TGFBRAP1: variants seen among roughly 807,000 people sequenced by gnomAD.
TGFBRAP1 encodes the protein transforming growth factor beta receptor associated protein 1, also known as transforming growth factor-beta receptor-associated protein 1.
A neutral mutation model predicts 83.2 loss-of-function variants in TGFBRAP1; 20 were observed. The ratio of observed to expected loss-of-function variants is 0.24; its 90% CI spans 0.17 to 0.35. TGFBRAP1 has a LOEUF of 0.35. Among genes scored for constraint, TGFBRAP1 ranks in the 10% least tolerant of loss-of-function variants. TGFBRAP1 has a pLI of 1.00. For missense variants in TGFBRAP1, 950 were observed against 1,099.4 expected (o/e 0.86, Z 1.92); for synonymous variants, 415 against 459.8 (o/e 0.90, Z 1.25).
At chr2:105,276,402 C>T (rs1287257575) in intron 7 of TGFBRAP1, among the ~76,000 whole-genome samples, 3 of 152,102 alleles carry the variant, frequency 2.0e-5, no homozygotes, top group African/African-American at 4.8e-5. Flanking sequence ...CCCACCCATA[C>T]ACAGCACCAC....
intron 1 of TGFBRAP1, among the ~76,000 whole-genome samples, chr2:105,314,341 C>G (rs1276210235): frequency 6.7e-6 from 1 of 150,124 alleles, no homozygotes; most frequent in African/African-American, 2.5e-5. Context: ...AGCTCCACCT[C>G]CCGGGTTCAC....
At chr2:105,284,235 C>T (rs927685757) in intron 5 of TGFBRAP1, 81 bp downstream of exon 5, 62 of 1,345,318 alleles carry the variant, frequency 4.6e-5, no homozygotes, top group Admixed American at 1.7e-4. Flanking sequence ...CACATCCCAC[C>T]GCGACGTCAC....
Position 105,307,834 on chromosome 2 carries a change from G to A in TGFBRAP1, c.468C>T (p.Asp156=), listed in dbSNP as rs1221150480. The change falls in exon 2 of 12, where the codon GAC becomes GAT. Residue 156 remains aspartate, a synonymous_variant. Coordinates refer to ENST00000393359, the MANE Select transcript of TGFBRAP1 (RefSeq NM_004257.6). The part of the protein sequence containing the change: ...RTIQMFLVYE[D]RVQIVKEVST... The stretch of plus-strand genomic sequence containing the variant: ...ACACCTCCTTGACGATCTGCACCCG[G>A]TCCTCGTACACCAGAAACATCTGGA... 3 of 1,614,204 alleles carry A rather than the reference G, an allele frequency of 1.9e-6. No individual in the cohort carries two copies. The highest frequency in any genetic ancestry group is 2.2e-5 in the East Asian group (1 of 44,884).
intron 5 of TGFBRAP1, among the ~76,000 whole-genome samples, chr2:105,283,670 A>T (rs914971969): frequency 2.0e-5 from 3 of 152,216 alleles, no homozygotes; most frequent in African/African-American, 7.2e-5. Flanking sequence ...CAGCTGTGGG[A>T]CAAGGGCAGC....
chr2:105,255,540 C>T, the TGFBRAP1 span, among the ~76,000 whole-genome samples: 1 of 150,004 alleles, frequency 6.7e-6, no homozygotes, highest in Non-Finnish European at 1.5e-5. Context: ...AGGCTGGTTT[C>T]GAACTCCTGG....
the TGFBRAP1 span, among the ~76,000 whole-genome samples, chr2:105,258,160 A>G: frequency 6.6e-6 from 1 of 152,188 alleles, no homozygotes; most frequent in Non-Finnish European, 1.5e-5. Flanking sequence ...ACTGCTGCTG[A>G]GGCTCTGCCC....
At chr2:105,287,061 C>T (rs1028421507) in intron 4 of TGFBRAP1, among the ~76,000 whole-genome samples, 6 of 152,190 alleles carry the variant, frequency 3.9e-5, no homozygotes, top group African/African-American at 7.2e-5. Context: ...CACAGATGAA[C>T]GTTGAGGACA....
At position 105,298,645 on chromosome 2, in the gene TGFBRAP1, A is replaced by G. The variant is rs773865162; in HGVS notation, c.749T>C (p.Val250Ala). The G allele has an allele frequency of 3.1e-6, 5 of 1,613,836 alleles. No individual in the cohort carries two copies. Among genetic ancestry groups the G allele is most frequent in the Non-Finnish European group, 4.2e-6 (5 of 1,179,896 alleles). ...QRAPVHWSEN[V>A]IGAAVSFPYV... is the part of the protein sequence containing the mutation. Reference sequence around the variant, plus strand: ...TGGAAAGGACACAGCCGCCCCAATCACATTCTCCGACCAGTGCACGGGGGC... The same window carrying G: ...TGGAAAGGACACAGCCGCCCCAATCGCATTCTCCGACCAGTGCACGGGGGC... The change falls in exon 3 of 12, where the codon GTG (valine) becomes GCG (alanine). Residue 250 changes from valine to alanine, a missense_variant. Coordinates refer to ENST00000393359, the MANE Select transcript of TGFBRAP1 (RefSeq NM_004257.6).
intron 6 of TGFBRAP1, among the ~76,000 whole-genome samples, chr2:105,279,620 A>AGAGGCGGAGCTTGCAGTGAGCCG (rs1553402364): frequency 8.0e-5 from 12 of 150,918 alleles, no homozygotes; most frequent in Non-Finnish European, 1.3e-4. Context: ...CCTCCCTTTG[A>AGAGGCGGAGCTTGCAGTGAGCCG]ATCTGTTTAT....
In TGFBRAP1 at chr2:105,328,579, C is replaced by T. The variant is rs370276512; in HGVS notation, c.-18+1046G>A. Among the ~76,000 whole-genome samples, 23 of 152,174 alleles carry T rather than the reference C, an allele frequency of 1.5e-4. 1 individual carries two copies. Among genetic ancestry groups the T allele is most frequent in the Admixed American group, 1.1e-3 (17 of 15,280 alleles). On this transcript the variant is annotated intron_variant, in intron 1 of 11. Coordinates refer to ENST00000393359, the MANE Select transcript of TGFBRAP1 (RefSeq NM_004257.6). ...GTCCCTCTACATTCGTTCATCCTGA[C>T]TCCAACCAAGCCAACACACACAACG...
rs145752091 is a variant in TGFBRAP1, at chr2:105,285,087, G to T, written c.1039-689C>A. 1.9e-3 allele frequency among the ~76,000 whole-genome samples: 294 copies of T among 152,300 alleles called. 2 individuals are homozygous for T. Among genetic ancestry groups the T allele is most frequent in the African/African-American group, 6.9e-3 (288 of 41,564 alleles). On this transcript the variant is annotated intron_variant, in intron 4 of 11. Transcript: ENST00000393359. ...ACCGTCCAGCATGGCTGGTGTCCTCGTCTTGCCATTGTCTATATGAAATGG... is the reference window on the plus strand; with the variant it reads ...ACCGTCCAGCATGGCTGGTGTCCTCTTCTTGCCATTGTCTATATGAAATGG...
intron 4 of TGFBRAP1, among the ~76,000 whole-genome samples, chr2:105,295,876 A>G (rs1474706630): frequency 6.6e-6 from 1 of 151,932 alleles, no homozygotes; most frequent in Non-Finnish European, 1.5e-5. Flanking sequence ...TACAATACCA[A>G]TTTAGTTAGC....
intron 1 of TGFBRAP1, among the ~76,000 whole-genome samples, chr2:105,311,377 T>C (rs896371051): frequency 1.2e-4 from 19 of 152,028 alleles, no homozygotes; most frequent in African/African-American, 4.6e-4. Flanking sequence ...AGAAGTAACA[T>C]GCTAGCACTT....
chr2:105,289,953 C>G (rs35350916), intron 4 of TGFBRAP1, among the ~76,000 whole-genome samples: 26,016 of 152,254 alleles, frequency 0.17, 2,559 homozygotes, highest in Middle Eastern at 0.27. Flanking sequence ...ATCAAACTCT[C>G]TGATCTCTGA....
intron 1 of TGFBRAP1, among the ~76,000 whole-genome samples, chr2:105,320,630 T>G (rs994161032): frequency 1.8e-4 from 27 of 152,184 alleles, no homozygotes; most frequent in African/African-American, 5.5e-4. Context: ...CCTTAAAATT[T>G]TAACCTCAGC....
chr2:105,297,567 G>C (rs974827073), intron 3 of TGFBRAP1, among the ~76,000 whole-genome samples: 2 of 152,242 alleles, frequency 1.3e-5, no homozygotes, highest in African/African-American at 4.8e-5. Context: ...GTAATGTTTG[G>C]TGAACAAAAA....
At chr2:105,319,543 T>C (rs1037227628) in intron 1 of TGFBRAP1, among the ~76,000 whole-genome samples, 6 of 149,822 alleles carry the variant, frequency 4.0e-5, no homozygotes, top group South Asian at 4.2e-4. Context: ...AATACAAAAA[T>C]TAGTTGGGTG....
At position 105,317,117 on chromosome 2, in the gene TGFBRAP1, T is replaced by TGTCCATAGGAATACAAGTACA. The variant is rs1341272705; in HGVS notation, c.-17-8800_-17-8799insTGTACTTGTATTCCTATGGAC. On this transcript the variant is annotated intron_variant, in intron 1 of 11. Coordinates refer to ENST00000393359, the MANE Select transcript of TGFBRAP1 (RefSeq NM_004257.6). ...TAGGAATACAAGTACAGTATTTGTATGTACTAGATGTCCATAGAAAATATA... is the reference window on the plus strand; with the variant it reads ...TAGGAATACAAGTACAGTATTTGTATGTCCATAGGAATACAAGTACAGTACTAGATGTCCATAGAAAATATA... Among the ~76,000 whole-genome samples, 13 of 152,280 alleles carry TGTCCATAGGAATACAAGTACA rather than the reference T, an allele frequency of 8.5e-5. No homozygotes were observed. The East Asian group carries it at 2.5e-3, about 30-fold the overall frequency.
Position 105,266,529 on chromosome 2 carries a change from T to A in TGFBRAP1, c.*854A>T, listed in dbSNP as rs944222031. 3.3e-5 allele frequency: 5 copies of A among 152,234 alleles called. No individual in the cohort carries two copies. Among genetic ancestry groups the A allele is most frequent in the Non-Finnish European group, 7.3e-5 (5 of 68,044 alleles). 9.4% of individuals were successfully genotyped at this position (152,234 alleles called of 1,614,324 possible). A position where few individuals can be genotyped will look rare whatever the true frequency, so the allele number is the denominator to read the frequency against. On this transcript the variant is annotated 3_prime_UTR_variant, in exon 12 of 12. Coordinates refer to ENST00000393359, the MANE Select transcript of TGFBRAP1 (RefSeq NM_004257.6). ...AATGTTTAGTTCAACGTGTTCGTCATGGAGTTTCAAATCAGCAGATGCCAT... is the reference window on the plus strand; with the variant it reads ...AATGTTTAGTTCAACGTGTTCGTCAAGGAGTTTCAAATCAGCAGATGCCAT...
Sources: allele counts gnomAD v4.1 joint callset (sites outside exome capture counted in the v4.1 genomes callset), GRCh38; gene constraint gnomAD v4.1.1; transcripts MANE v1.5; gene names NCBI Gene and HGNC (gene_info 2026-07-23, HGNC 2026-07-21).